The following DGKB variants were observed in gnomAD, a reference collection of about 807,000 sequenced individuals.
DGKB encodes 90 kDa diacylglycerol kinase.
In DGKB, 67 loss-of-function variants were observed where a neutral mutation model predicts 114.3. The observed-to-expected ratio is 0.59, with a 90% CI of 0.48 to 0.72. The LOEUF is 0.72. DGKB is among the 30% of genes least tolerant of loss of function. DGKB has a pLI of 0.00. For missense variants in DGKB, 907 were observed against 975.2 expected, an observed-to-expected ratio of 0.93 and a Z score of 0.93; for synonymous variants, 398 against 323.1, an observed-to-expected ratio of 1.23 and a Z score of -2.49.
chr7:14,606,374 T>C (rs1300371256), intron 17 of DGKB, among the ~76,000 whole-genome samples: 8 of 152,038 alleles, frequency 5.3e-5, no homozygotes, highest in Admixed American at 5.3e-4. Flanking sequence ...TGCTCAGCAT[T>C]GGGAAACTGA....
intron 21 of DGKB, among the ~76,000 whole-genome samples, chr7:14,347,870 A>T (rs1812746467): frequency 6.6e-6 from 1 of 152,112 alleles, no homozygotes; most frequent in Admixed American, 6.6e-5. Context: ...AATGTTGCAC[A>T]TCTTGAATAT....
intron 2 of DGKB, among the ~76,000 whole-genome samples, chr7:14,763,667 T>C (rs1836033152): frequency 6.6e-6 from 1 of 152,054 alleles, no homozygotes; most frequent in Admixed American, 6.6e-5. Flanking sequence ...ACAGTAGTGA[T>C]TCAAACTCCT....
At chr7:14,940,567 A>C (rs1289157139) in intron 1 of DGKB, among the ~76,000 whole-genome samples, 1 of 152,154 alleles carries the variant, frequency 6.6e-6, no homozygotes, top group Non-Finnish European at 1.5e-5. Flanking sequence ...CACAAAAACA[A>C]CTGGTGATCC....
chr7:14,213,056 T>C (rs1358510827), intron 23 of DGKB, among the ~76,000 whole-genome samples: 1 of 150,202 alleles, frequency 6.7e-6, no homozygotes, highest in Non-Finnish European at 1.5e-5. Flanking sequence ...ATTCTTATAC[T>C]CATATATGTA....
chr7:14,844,423 G>A (rs956371463), intron 1 of DGKB, among the ~76,000 whole-genome samples: 2 of 152,164 alleles, frequency 1.3e-5, no homozygotes, highest in Admixed American at 6.5e-5. Flanking sequence ...GGTGATTGGA[G>A]CACACAGCAA....
rs1290850532 is a variant in DGKB at position 14,899,891 on chromosome 7, A to G, written c.-188+2701T>C. On this transcript the variant is annotated intron_variant, in intron 1 of 25. Coordinates refer to ENST00000402815, the MANE Select transcript of DGKB (RefSeq NM_001350709.2). ...TTTTTAAGTAGCAAAGCAGTTAAGA[A>G]TTAGAGTTAGTCACATCGAGTGGTA... 2.6e-5 allele frequency among the ~76,000 whole-genome samples: 4 copies of G among 152,276 alleles called. No homozygotes were observed. The East Asian group carries it at 7.7e-4, about 29-fold the overall frequency.
At chr7:14,397,256 G>A (rs1478326551) in intron 21 of DGKB, among the ~76,000 whole-genome samples, 1 of 152,078 alleles carries the variant, frequency 6.6e-6, no homozygotes, top group Non-Finnish European at 1.5e-5. Flanking sequence ...TACAAGACCG[G>A]GCAGGGGATA....
At chr7:14,757,281 T>C (rs1835017663) in intron 3 of DGKB, among the ~76,000 whole-genome samples, 1 of 152,046 alleles carries the variant, frequency 6.6e-6, no homozygotes, top group Admixed American at 6.6e-5. Flanking sequence ...CTCTATTTTA[T>C]CCAATGCTGT....
At chr7:14,155,795 G>A (rs1782928566) in intron 25 of DGKB, among the ~76,000 whole-genome samples, 1 of 152,084 alleles carries the variant, frequency 6.6e-6, no homozygotes, top group African/African-American at 2.4e-5. Context: ...AGAAAGAGAA[G>A]CGTTTTTGGT....
At chr7:14,958,470 CA>C (rs1786648756) in intron 1 of DGKB, among the ~76,000 whole-genome samples, 1 of 149,422 alleles carries the variant, frequency 6.7e-6, no homozygotes, top group Non-Finnish European at 1.5e-5. Context: ...CACACACACA[CA>C]CACACCCCGT....
intron 21 of DGKB, among the ~76,000 whole-genome samples, chr7:14,440,435 A>G (rs1188807230): frequency 1.3e-5 from 2 of 152,092 alleles, no homozygotes; most frequent in African/African-American, 4.8e-5. Context: ...TGTAGCCTCC[A>G]GTGATATACT....
At chr7:14,162,685 A>G (rs1784079747) in intron 25 of DGKB, among the ~76,000 whole-genome samples, 1 of 152,240 alleles carries the variant, frequency 6.6e-6, no homozygotes, top group Non-Finnish European at 1.5e-5. Context: ...ACTTAAATTC[A>G]TTGAACAATA....
At chr7:14,561,027 T>C (rs1796582902) in intron 20 of DGKB, among the ~76,000 whole-genome samples, 2 of 152,206 alleles carry the variant, frequency 1.3e-5, no homozygotes, top group South Asian at 4.1e-4. Flanking sequence ...TTTCTACCCA[T>C]TTTGTAGCTA....
In DGKB at chr7:14,852,487, C is replaced by CAAAAAAAAAAAAAAAAAAAAAAAAA; in HGVS notation, c.-187-11038_-187-11037insTTTTTTTTTTTTTTTTTTTTTTTTT. Among the ~76,000 whole-genome samples the CAAAAAAAAAAAAAAAAAAAAAAAAA allele has an allele frequency of 6.1e-4, 39 of 63,564 alleles. 1 individual carries two copies. The highest frequency in any genetic ancestry group is 1.0e-3 in the African/African-American group (15 of 14,816). The allele number at this position is 63,564 out of a possible 152,430, so 41.7% of individuals were successfully genotyped here. On this transcript the variant is annotated intron_variant, in intron 1 of 25. Coordinates refer to ENST00000402815, the MANE Select transcript of DGKB (RefSeq NM_001350709.2). ...GAGGAATAGCTAAAATAGTGAAAGT[C>CAAAAAAAAAAAAAAAAAAAAAAAAA]AAAAAAAAAACAGAAATCAAGCATA...
intron 20 of DGKB, among the ~76,000 whole-genome samples, chr7:14,564,872 T>A (rs1279268840): frequency 6.6e-6 from 1 of 152,176 alleles, no homozygotes; most frequent in African/African-American, 2.4e-5. Context: ...ACTCTAGGTA[T>A]TAGTAAACCT....
intron 21 of DGKB, among the ~76,000 whole-genome samples, chr7:14,417,664 T>C (rs548058561): frequency 2.0e-5 from 3 of 151,738 alleles, no homozygotes; most frequent in African/African-American, 4.8e-5. Context: ...CATGTGAAAA[T>C]TGGAAAGTAA....
At chr7:14,233,802 G>T (rs1021430789) in intron 23 of DGKB, among the ~76,000 whole-genome samples, 1 of 151,916 alleles carries the variant, frequency 6.6e-6, no homozygotes, top group Non-Finnish European at 1.5e-5. Flanking sequence ...GGTCGAAGAA[G>T]AGAAGAGCCA....
chr7:14,650,116 G>T (rs1468337499), intron 13 of DGKB, among the ~76,000 whole-genome samples: 1 of 149,094 alleles, frequency 6.7e-6, no homozygotes, highest in East Asian at 2.0e-4. Flanking sequence ...GGATACCCAG[G>T]AATTGAACTC....
At chr7:14,301,597 T>A (rs1450960701) in intron 23 of DGKB, among the ~76,000 whole-genome samples, 1 of 152,152 alleles carries the variant, frequency 6.6e-6, no homozygotes, top group Non-Finnish European at 1.5e-5. Flanking sequence ...ACTTGGTAAT[T>A]TGGGCCAATC....
Sources: allele counts gnomAD v4.1 joint callset (sites outside exome capture counted in the v4.1 genomes callset), GRCh38; gene constraint gnomAD v4.1.1; transcripts MANE v1.5; gene names NCBI Gene and HGNC (gene_info 2026-07-23, HGNC 2026-07-21).